The following ITPK1 variants were observed in gnomAD, a reference collection of about 807,000 sequenced individuals.
ITPK1 encodes the protein inositol-tetrakisphosphate 1-kinase.
Under a neutral mutation model 45.3 loss-of-function variants are expected in ITPK1, and 21 were observed. That is an observed-to-expected ratio of 0.46 (90% CI 0.33 to 0.67). The LOEUF is 0.67. Ranked by LOEUF, ITPK1 falls within the 30% of genes least tolerant of loss-of-function variation. ITPK1 has a pLI of 0.02. For missense variants in ITPK1, 474 were observed against 573.5 expected (o/e 0.83, Z 1.77); for synonymous variants, 258 against 253.6 (o/e 1.02, Z -0.16).
chr14:92,942,107 T>C (rs1305339583), intron 10 of ITPK1, among the ~76,000 whole-genome samples: 4 of 152,166 alleles, frequency 2.6e-5, no homozygotes, highest in Non-Finnish European at 5.9e-5. Flanking sequence ...ACCAGGTGCG[T>C]GCTCCTCGAC....
intron 3 of ITPK1, among the ~76,000 whole-genome samples, chr14:93,057,280 C>T (rs892373535): frequency 6.6e-6 from 1 of 152,208 alleles, no homozygotes; most frequent in Non-Finnish European, 1.5e-5. Context: ...AGAAACACTG[C>T]ACCCAGGCGA....
intron 5 of ITPK1, among the ~76,000 whole-genome samples, chr14:92,965,233 A>C (rs1400022331): frequency 2.0e-5 from 3 of 152,348 alleles, no homozygotes; most frequent in East Asian, 3.9e-4. Context: ...GAATCAACCA[A>C]GGCAATACAC....
At chr14:93,011,512 G>T (rs887026436) in intron 4 of ITPK1, among the ~76,000 whole-genome samples, 2 of 152,176 alleles carry the variant, frequency 1.3e-5, no homozygotes, top group African/African-American at 2.4e-5. Context: ...ATTCTCTTCC[G>T]GCATCCTTCG....
intron 2 of ITPK1, among the ~76,000 whole-genome samples, chr14:93,102,418 G>A (rs1892357110): frequency 6.6e-6 from 1 of 152,262 alleles, no homozygotes. Flanking sequence ...TAGTGGCAAG[G>A]CCATAATTCC....
intron 10 of ITPK1, among the ~76,000 whole-genome samples, chr14:92,943,091 T>A (rs1183000529): frequency 6.6e-6 from 1 of 152,178 alleles, no homozygotes; most frequent in East Asian, 1.9e-4. Context: ...GTGCCCGCGG[T>A]GGAAATAAAG....
chr14:92,981,903 T>C (rs1388433668), intron 5 of ITPK1, among the ~76,000 whole-genome samples: 1 of 152,154 alleles, frequency 6.6e-6, no homozygotes, highest in Non-Finnish European at 1.5e-5. Flanking sequence ...ACCCCAAAGT[T>C]GGAGTTAGTC....
At chr14:93,066,972 G>A (rs1890783510) in intron 3 of ITPK1, among the ~76,000 whole-genome samples, 2 of 152,138 alleles carry the variant, frequency 1.3e-5, no homozygotes, top group Non-Finnish European at 2.9e-5. Context: ...ACCGACTGCT[G>A]AGGAATCCAG....
At chr14:93,093,376 C>G (rs1891941245) in intron 2 of ITPK1, among the ~76,000 whole-genome samples, 1 of 152,228 alleles carries the variant, frequency 6.6e-6, no homozygotes, top group African/African-American at 2.4e-5. Context: ...CTCAAGCCGC[C>G]CCTGGCGTGG....
chr14:93,098,339 C>A (rs1595214375), intron 2 of ITPK1, among the ~76,000 whole-genome samples: 2 of 152,190 alleles, frequency 1.3e-5, no homozygotes, highest in East Asian at 1.9e-4. Flanking sequence ...CACCTGTAGT[C>A]CCAGCTACTC....
At chr14:93,030,183 T>C (rs1266761949) in intron 3 of ITPK1, among the ~76,000 whole-genome samples, 2 of 152,240 alleles carry the variant, frequency 1.3e-5, no homozygotes, top group African/African-American at 4.8e-5. Context: ...TAGAGCTGAC[T>C]GGGGAATGTG....
At chr14:93,096,190 G>A (rs1028879840) in intron 2 of ITPK1, among the ~76,000 whole-genome samples, 15 of 152,218 alleles carry the variant, frequency 9.9e-5, no homozygotes, top group East Asian at 3.9e-4. Flanking sequence ...TGCTAAACCC[G>A]CTTCCCCTGC....
intron 3 of ITPK1, chr14:93,070,448 C>G (rs1462567857): frequency 6.6e-6 from 1 of 152,320 alleles, no homozygotes; most frequent in African/African-American, 2.4e-5. Flanking sequence ...CAGCCCCACT[C>G]CCCAGATCAC....
At chr14:93,091,809 T>C (rs59111317) in intron 2 of ITPK1, among the ~76,000 whole-genome samples, 12,841 of 152,124 alleles carry the variant, frequency 0.084, 1,804 homozygotes, top group African/African-American at 0.29. Context: ...GAGGCAAACC[T>C]AGCTCTGCCA....
chr14:92,946,974 G>A (rs1887721448), intron 9 of ITPK1, among the ~76,000 whole-genome samples: 1 of 152,264 alleles, frequency 6.6e-6, no homozygotes, highest in African/African-American at 2.4e-5. Context: ...CCTGGGAGGG[G>A]TGGGAGAAGG....
chr14:92,975,431 AT>A, intron 5 of ITPK1, among the ~76,000 whole-genome samples: 1 of 151,800 alleles, frequency 6.6e-6, no homozygotes, highest in East Asian at 1.9e-4. Context: ...AGCAGGGACT[AT>A]GCCTGCCTTG....
intron 5 of ITPK1, among the ~76,000 whole-genome samples, chr14:92,972,429 G>T (rs1358980836): frequency 6.6e-6 from 1 of 152,156 alleles, no homozygotes; most frequent in Non-Finnish European, 1.5e-5. Context: ...AGGGCCATCC[G>T]CAGGCCAAGG....
At chr14:92,998,967 C>T (rs993477297) in intron 4 of ITPK1, 1 of 152,214 alleles carries the variant, frequency 6.6e-6, no homozygotes, top group Non-Finnish European at 1.5e-5. Flanking sequence ...AAAGCCCAAA[C>T]TATAAAACTT....
chr14:93,027,017 A>T (rs902611879), intron 3 of ITPK1, among the ~76,000 whole-genome samples: 4 of 152,218 alleles, frequency 2.6e-5, no homozygotes, highest in Non-Finnish European at 5.9e-5. Context: ...TTTTTATAAC[A>T]GTGAGAAAAA....
chr14:92,963,226 A>G (rs1191418469), intron 5 of ITPK1, among the ~76,000 whole-genome samples: 4 of 152,220 alleles, frequency 2.6e-5, no homozygotes, highest in Non-Finnish European at 5.9e-5. Context: ...TCCTAACTTC[A>G]TAAGCCATGA....
Sources: gnomAD v4.1 joint callset for allele counts (sites outside exome capture counted in the v4.1 genomes callset) on GRCh38, gnomAD v4.1.1 for gene constraint, MANE v1.5 for transcripts, NCBI Gene and HGNC (gene_info 2026-07-23, HGNC 2026-07-21) for gene names.